Variants in ADGRL2 observed in about 807,000 individuals in gnomAD.
ADGRL2 encodes adhesion G protein-coupled receptor L2, also known as calcium-independent alpha-latrotoxin receptor 2.
In ADGRL2, 44 loss-of-function variants were observed where a neutral mutation model predicts 157.4. The ratio of observed to expected loss-of-function variants is 0.28; its 90% CI spans 0.22 to 0.36. The LOEUF (loss-of-function observed/expected upper bound fraction) is 0.36. Ranked by LOEUF, ADGRL2 falls within the 10% of genes least tolerant of loss-of-function variation. The pLI, the probability that ADGRL2 is intolerant of heterozygous loss-of-function variation, is 1.00. For missense variants in ADGRL2, 1,510 were observed against 1,768.9 expected, an observed-to-expected ratio of 0.85 and a Z score of 2.63; for synonymous variants, 585 against 624.7, an observed-to-expected ratio of 0.94 and a Z score of 0.95.
chr1:81,665,338 T>C (rs1318691932), intron 3 of ADGRL2, among the ~76,000 whole-genome samples: 2 of 152,170 alleles, frequency 1.3e-5, no homozygotes, highest in African/African-American at 4.8e-5. Flanking sequence ...TGATATCTTA[T>C]GTGGTTTCTA....
intron 1 of ADGRL2, among the ~76,000 whole-genome samples, chr1:81,747,121 GTA>G (rs1557616217): frequency 8.0e-6 from 1 of 125,510 alleles, no homozygotes; most frequent in African/African-American, 3.0e-5. Context: ...GTATATATGT[GTA>G]TATATGTATA....
At chr1:81,671,531 T>C (rs75915295) in intron 3 of ADGRL2, among the ~76,000 whole-genome samples, 3 of 138,176 alleles carry the variant, frequency 2.2e-5, no homozygotes, top group African/African-American at 8.0e-5. Context: ...TTTTTTTTTT[T>C]AAACAGAGTT....
At chr1:81,549,654 T>C (rs1402148098) in intron 2 of ADGRL2, among the ~76,000 whole-genome samples, 1 of 152,140 alleles carries the variant, frequency 6.6e-6, no homozygotes, top group African/African-American at 2.4e-5. Flanking sequence ...CACCAGTGGT[T>C]TTAGGAGAGA....
chr1:81,385,825 G>T (rs928037081), intron 1 of ADGRL2, among the ~76,000 whole-genome samples: 7 of 152,190 alleles, frequency 4.6e-5, no homozygotes, highest in African/African-American at 1.2e-4. Context: ...AACAATTCTA[G>T]CTTTCAAATC....
At chr1:81,332,327 A>G (rs1021663916) in intron 1 of ADGRL2, among the ~76,000 whole-genome samples, 4 of 152,062 alleles carry the variant, frequency 2.6e-5, no homozygotes, top group Non-Finnish European at 4.4e-5. Flanking sequence ...TTAATTCTGG[A>G]GTCTCCTATT....
intron 1 of ADGRL2, among the ~76,000 whole-genome samples, chr1:81,379,677 G>C (rs902048665): frequency 6.6e-6 from 1 of 152,112 alleles, no homozygotes; most frequent in East Asian, 1.9e-4. Flanking sequence ...GCGTCTGTCC[G>C]TGTGCTCTTG....
intron 2 of ADGRL2, among the ~76,000 whole-genome samples, chr1:81,857,488 G>A (rs1014796478): frequency 6.6e-6 from 1 of 152,070 alleles, no homozygotes. Flanking sequence ...CTTTGATGCC[G>A]GACATCTTAC....
intron 1 of ADGRL2, among the ~76,000 whole-genome samples, chr1:81,836,628 C>T (rs1470703480): frequency 6.6e-6 from 1 of 151,984 alleles, no homozygotes; most frequent in Non-Finnish European, 1.5e-5. Context: ...TTTTCAGAAT[C>T]CCTTTGTATA....
chr1:81,635,308 A>G (rs1357449840), intron 3 of ADGRL2, among the ~76,000 whole-genome samples: 3 of 152,110 alleles, frequency 2.0e-5, no homozygotes, highest in Admixed American at 1.3e-4. Flanking sequence ...CTCAGGGTCT[A>G]TTATAAGAAA....
In ADGRL2 at chr1:81,952,987, C is replaced by T. The variant is rs1296761815; in HGVS notation, c.1795C>T (p.Leu599Phe). Residue 599 changes from leucine to phenylalanine, a missense_variant and splice_region_variant, in exon 10 of 24, where the codon CTC (leucine) becomes TTC (phenylalanine). Transcript: ENST00000686636. ...ATTTTTCTTTTCTTTTACTTAAAAG[C>T]TCCAAAAACGAGAGAAGACATGCAG... ...KDSAGRSYNK[L>F]QKREKTCRAY... 2.5e-6 allele frequency: 4 copies of T among 1,610,746 alleles called. No homozygotes were observed. Among genetic ancestry groups the T allele is most frequent in the Non-Finnish European group, 3.4e-6 (4 of 1,178,402 alleles).
At chr1:81,767,100 G>C (rs1273546134) in intron 2 of ADGRL2, among the ~76,000 whole-genome samples, 1 of 151,986 alleles carries the variant, frequency 6.6e-6, no homozygotes, top group Non-Finnish European at 1.5e-5. Flanking sequence ...TATGTAAATA[G>C]AAAGTTGTAT....
intron 3 of ADGRL2, among the ~76,000 whole-genome samples, chr1:81,931,122 C>G (rs969830516): frequency 2.6e-5 from 4 of 152,160 alleles, no homozygotes; most frequent in African/African-American, 9.7e-5. Context: ...GCACTCTAGC[C>G]TGGGCAACAG....
At chr1:81,420,180 A>G (rs928027945) in intron 1 of ADGRL2, among the ~76,000 whole-genome samples, 1 of 152,216 alleles carries the variant, frequency 6.6e-6, no homozygotes, top group African/African-American at 2.4e-5. Flanking sequence ...AAGGATTTTG[A>G]TAAGCAAAAT....
chr1:81,582,795 C>T (rs564932065), intron 3 of ADGRL2, among the ~76,000 whole-genome samples: 3 of 152,128 alleles, frequency 2.0e-5, no homozygotes, highest in Non-Finnish European at 4.4e-5. Context: ...AGTGCCTAAA[C>T]TATTTATAGT....
chr1:81,597,937 A>G (rs2081266826), intron 3 of ADGRL2, among the ~76,000 whole-genome samples: 1 of 152,196 alleles, frequency 6.6e-6, no homozygotes, highest in Non-Finnish European at 1.5e-5. Flanking sequence ...CTGGGGAGCT[A>G]TGAAAGCGGG....
At chr1:81,530,448 A>G (rs1265791285) in intron 2 of ADGRL2, among the ~76,000 whole-genome samples, 1 of 151,814 alleles carries the variant, frequency 6.6e-6, no homozygotes, top group Non-Finnish European at 1.5e-5. Context: ...CCTGGGCTCA[A>G]GCAGTCCTCC....
intron 2 of ADGRL2, among the ~76,000 whole-genome samples, chr1:81,573,604 TC>T (rs1302837881): frequency 2.0e-5 from 3 of 152,162 alleles, no homozygotes; most frequent in Admixed American, 1.3e-4. Context: ...AAAGAAGCTG[TC>T]CCCTGTTGGC....
At chr1:81,434,529 G>A (rs1404402503) in intron 1 of ADGRL2, among the ~76,000 whole-genome samples, 1 of 152,034 alleles carries the variant, frequency 6.6e-6, no homozygotes, top group Non-Finnish European at 1.5e-5. Flanking sequence ...AATATGTGTT[G>A]AATTAATGAG....
chr1:81,767,518 A>T (rs539731169), intron 2 of ADGRL2, among the ~76,000 whole-genome samples: 1 of 152,314 alleles, frequency 6.6e-6, no homozygotes, highest in South Asian at 2.1e-4. Flanking sequence ...ACAAAGAATT[A>T]TCTGGCCTAA....
Sources: allele counts gnomAD v4.1 joint callset (sites outside exome capture counted in the v4.1 genomes callset), GRCh38; gene constraint gnomAD v4.1.1; transcripts MANE v1.5; gene names NCBI Gene and HGNC (gene_info 2026-07-23, HGNC 2026-07-21).